Variants in KDM6A observed in about 807,000 individuals in gnomAD.
KDM6A encodes the protein lysine-specific demethylase 6A.
A neutral mutation model predicts 117.6 loss-of-function variants in KDM6A; 11 were observed. The ratio of observed to expected loss-of-function variants is 0.09; its 90% CI spans 0.06 to 0.15. The LOEUF (loss-of-function observed/expected upper bound fraction) is 0.15, where lower values mean the gene tolerates loss of function less well. Among genes scored for constraint, KDM6A ranks in the 10% least tolerant of loss-of-function variants. KDM6A has a pLI of 1.00. For missense variants in KDM6A, 799 were observed against 1,077.3 expected, an observed-to-expected ratio of 0.74 and a Z score of 3.62; for synonymous variants, 384 against 396.1, an observed-to-expected ratio of 0.97 and a Z score of 0.36.
intron 4 of KDM6A, among the ~76,000 whole-genome samples, chrX:44,992,913 GTAGTCATGATATA>G (rs1213298276): frequency 8.9e-6 from 1 of 111,848 alleles, no homozygotes; most frequent in Non-Finnish European, 1.9e-5. Context: ...TGGCTGGGTG[GTAGTCATGATATA>G]TAGTTGTCAA....
intron 6 of KDM6A, among the ~76,000 whole-genome samples, chrX:45,025,156 G>A (rs1242272292): frequency 9.0e-6 from 1 of 111,065 alleles, no homozygotes; most frequent in East Asian, 2.8e-4. Context: ...ATGCCATACA[G>A]TTAATTCAGG....
rs747819755 is a variant in KDM6A at position 44,911,907 on chromosome X, A to G, written c.225+37920A>G. 9.4e-5 allele frequency among the ~76,000 whole-genome samples: 10 copies of G among 106,865 alleles called. No homozygotes were observed. In the South Asian group the frequency reaches 4.8e-3, roughly 52 times the overall value. The allele number at this position is 106,865 out of a possible 115,157, so 92.8% of individuals were successfully genotyped here. A position where few individuals can be genotyped will look rare whatever the true frequency, so the allele number is the denominator to read the frequency against. ...TCAGGCGTGGCGGCGCGCGCCTGCAATCGCAGGCGCTTGGCAGGTTGAGGC... is the reference window on the plus strand; with the variant it reads ...TCAGGCGTGGCGGCGCGCGCCTGCAGTCGCAGGCGCTTGGCAGGTTGAGGC... On this transcript the variant is annotated intron_variant, in intron 2 of 29. Coordinates refer to ENST00000611820, the MANE Select transcript of KDM6A (RefSeq NM_001291415.2).
chrX:44,971,906 C>A (rs1303005794), intron 3 of KDM6A, among the ~76,000 whole-genome samples: 1 of 109,596 alleles, frequency 9.1e-6, no homozygotes, highest in African/African-American at 3.3e-5. Flanking sequence ...TCCACTGGGG[C>A]GCCTGGATAA....
chrX:45,082,959 T>A (rs1468180464), intron 23 of KDM6A, among the ~76,000 whole-genome samples, 170 bp downstream of exon 23: 4 of 110,542 alleles, frequency 3.6e-5, no homozygotes, highest in African/African-American at 1.3e-4. Flanking sequence ...AATTTTAAAA[T>A]TTTTTTTTAA....
At chrX:44,963,511 G>GTCTGTCTGTC (rs2038838534) in intron 3 of KDM6A, among the ~76,000 whole-genome samples, 1 of 106,591 alleles carries the variant, frequency 9.4e-6, no homozygotes, top group Admixed American at 1.0e-4. Flanking sequence ...CTGTCTGTCT[G>GTCTGTCTGTC]TCTGTCTCTG....
intron 2 of KDM6A, among the ~76,000 whole-genome samples, chrX:44,897,349 T>G (rs924864514): frequency 1.8e-5 from 2 of 109,539 alleles, no homozygotes; most frequent in Non-Finnish European, 3.8e-5. Context: ...TTTATTTGTT[T>G]TAAGAGCAGT....
chrX:44,906,418 T>G (rs1422252739), intron 2 of KDM6A, among the ~76,000 whole-genome samples: 1 of 110,629 alleles, frequency 9.0e-6, no homozygotes, highest in African/African-American at 3.3e-5. Context: ...CCCAAATTGC[T>G]GAGATTACAG....
At chrX:44,944,128 G>C (rs189485589) in intron 2 of KDM6A, among the ~76,000 whole-genome samples, 6 of 111,251 alleles carry the variant, frequency 5.4e-5, no homozygotes, top group Non-Finnish European at 9.4e-5. Flanking sequence ...GAGACTGGTG[G>C]ATCACTTGAG....
intron 5 of KDM6A, among the ~76,000 whole-genome samples, chrX:45,019,677 T>C (rs1450997960): frequency 8.9e-6 from 1 of 111,740 alleles, no homozygotes. Context: ...TAGCTTGTGC[T>C]TGGAAGAAGC....
intron 2 of KDM6A, among the ~76,000 whole-genome samples, chrX:44,944,253 G>A (rs780436172): frequency 1.2e-4 from 13 of 111,082 alleles, no homozygotes; most frequent in Non-Finnish European, 2.3e-4. Flanking sequence ...TTGGGAGGCC[G>A]AGGCTGGAGA....
At chrX:45,013,722 A>T (rs1453349728) in intron 5 of KDM6A, among the ~76,000 whole-genome samples, 2 of 111,428 alleles carry the variant, frequency 1.8e-5, no homozygotes, top group Non-Finnish European at 3.8e-5. Flanking sequence ...TACATCTCAC[A>T]CCCTATCTTA....
At chrX:45,106,873 T>A (rs1033372459) in intron 27 of KDM6A, 3 of 232,317 alleles carry the variant, frequency 1.3e-5, no homozygotes, top group Non-Finnish European at 2.4e-5. Context: ...AAACGAATAT[T>A]GTATCCTGTA....
intron 4 of KDM6A, among the ~76,000 whole-genome samples, chrX:45,003,709 CTCTT>C (rs998403230): frequency 3.6e-5 from 4 of 110,027 alleles, no homozygotes; most frequent in East Asian, 2.9e-4. Flanking sequence ...CTCTCTCTCT[CTCTT>C]TCTTTCTCTC....
At chrX:44,930,392 T>C (rs867038223) in intron 2 of KDM6A, among the ~76,000 whole-genome samples, 5 of 112,070 alleles carry the variant, frequency 4.5e-5, no homozygotes, top group Admixed American at 3.8e-4. Flanking sequence ...AAATTTGATA[T>C]TTTGTTCTAA....
At chrX:45,085,225 C>G (rs1379140141) in intron 24 of KDM6A, among the ~76,000 whole-genome samples, 1 of 111,259 alleles carries the variant, frequency 9.0e-6, no homozygotes, top group Non-Finnish European at 1.9e-5. Flanking sequence ...GAGATTAGTT[C>G]ATAAGGAAAA....
chrX:45,052,930 A>G (rs771566154), intron 9 of KDM6A, among the ~76,000 whole-genome samples: 10 of 111,099 alleles, frequency 9.0e-5, no homozygotes, highest in Non-Finnish European at 1.9e-4. Flanking sequence ...CCTGGCATCA[A>G]GCGATCCTTC....
intron 4 of KDM6A, among the ~76,000 whole-genome samples, chrX:44,980,895 T>G (rs2039874004): frequency 9.1e-6 from 1 of 109,719 alleles, no homozygotes; most frequent in Non-Finnish European, 1.9e-5. Context: ...TTTTTACTGT[T>G]GAATGTGATA....
At chrX:45,040,150 C>T (rs1331436385) in intron 8 of KDM6A, among the ~76,000 whole-genome samples, 1 of 67,843 alleles carries the variant, frequency 1.5e-5, no homozygotes, top group Non-Finnish European at 2.8e-5. Flanking sequence ...CTGACCCCCC[C>T]ACCATCCTCC....
At chrX:45,026,700 G>C (rs2042379237) in intron 6 of KDM6A, among the ~76,000 whole-genome samples, 2 of 107,164 alleles carry the variant, frequency 1.9e-5, no homozygotes, top group Non-Finnish European at 3.8e-5. Context: ...GGGCATGGTG[G>C]CGCGCCTGTA....
Sources: allele counts gnomAD v4.1 joint callset (sites outside exome capture counted in the v4.1 genomes callset), GRCh38; gene constraint gnomAD v4.1.1; transcripts MANE v1.5; gene names NCBI Gene and HGNC (gene_info 2026-07-23, HGNC 2026-07-21).